The following WWOX variants were observed in gnomAD, a reference collection of about 807,000 sequenced individuals.
WWOX encodes the protein WW domain-containing oxidoreductase.
Under a neutral mutation model 46.2 loss-of-function variants are expected in WWOX, and 69 were observed. That is an observed-to-expected ratio of 1.49 (90% CI 1.23 to 1.82). WWOX has a LOEUF of 1.82. Among genes scored for constraint, WWOX ranks in the 40% most tolerant of loss-of-function variants. The pLI is 0.00. For missense variants in WWOX, 919 were observed against 542.6 expected (o/e 1.69, Z -6.89); for synonymous variants, 359 against 202.6 (o/e 1.77, Z -6.56).
At chr16:78,436,859 C>G (rs1366964255) in intron 8 of WWOX, among the ~76,000 whole-genome samples, 1 of 152,180 alleles carries the variant, frequency 6.6e-6, no homozygotes, top group Non-Finnish European at 1.5e-5. Flanking sequence ...GATAATGCAT[C>G]AGTTTCTTGG....
intron 8 of WWOX, among the ~76,000 whole-genome samples, chr16:78,739,458 G>C (rs1389019500): frequency 6.6e-6 from 1 of 152,152 alleles, no homozygotes; most frequent in Non-Finnish European, 1.5e-5. Context: ...CTCTAGGAAA[G>C]GGTTGTGGAA....
intron 8 of WWOX, among the ~76,000 whole-genome samples, chr16:78,981,512 A>C (rs1446510281): frequency 6.6e-6 from 1 of 151,342 alleles, no homozygotes; most frequent in Non-Finnish European, 1.5e-5. Context: ...ATCTGGGCTC[A>C]CTGCAACCTC....
intron 8 of WWOX, among the ~76,000 whole-genome samples, chr16:78,859,000 T>TAAAAAAAA (rs2052638771): frequency 1.3e-5 from 1 of 79,872 alleles, no homozygotes; most frequent in African/African-American, 5.9e-5. Flanking sequence ...GTTTTGAAAT[T>TAAAAAAAA]TAAAAAAAAA....
intron 6 of WWOX, among the ~76,000 whole-genome samples, chr16:78,400,600 T>A (rs1301799639): frequency 6.6e-6 from 1 of 152,062 alleles, no homozygotes; most frequent in African/African-American, 2.4e-5. Context: ...CCAGCTTGGT[T>A]TTTCTCCTCT....
intron 8 of WWOX, among the ~76,000 whole-genome samples, chr16:78,603,775 T>G (rs1018658748): frequency 2.0e-5 from 3 of 152,108 alleles, no homozygotes; most frequent in African/African-American, 7.2e-5. Flanking sequence ...CTTATCTAGT[T>G]GGAACAAGTG....
chr16:78,400,624 A>AG (rs1388129959), intron 6 of WWOX, among the ~76,000 whole-genome samples: 1 of 151,946 alleles, frequency 6.6e-6, no homozygotes, highest in African/African-American at 2.4e-5. Flanking sequence ...CATCCTAAGG[A>AG]GGGAGGGAGG....
chr16:78,188,314 C>G (rs970427422), intron 5 of WWOX, among the ~76,000 whole-genome samples: 3 of 151,870 alleles, frequency 2.0e-5, no homozygotes, highest in Admixed American at 6.6e-5. Flanking sequence ...ACGGTGAAAC[C>G]CCGTCTTTAC....
At chr16:78,630,450 C>T (rs577543412) in intron 8 of WWOX, among the ~76,000 whole-genome samples, 20 of 152,304 alleles carry the variant, frequency 1.3e-4, no homozygotes, top group Middle Eastern at 3.4e-3. Context: ...TTATATGCTA[C>T]AGAGAGGGTG....
intron 8 of WWOX, among the ~76,000 whole-genome samples, chr16:78,935,671 G>T (rs938295473): frequency 1.3e-5 from 2 of 151,864 alleles, no homozygotes; most frequent in Non-Finnish European, 2.9e-5. Flanking sequence ...CGAGTTAATG[G>T]GTGCAGCACA....
intron 8 of WWOX, among the ~76,000 whole-genome samples, chr16:78,861,118 C>A (rs557926625): frequency 2.6e-5 from 4 of 152,170 alleles, no homozygotes; most frequent in African/African-American, 7.2e-5. Context: ...CTGTGCACAG[C>A]CTCAGAGGTC....
chr16:79,153,426 G>A (rs1332718018), intron 8 of WWOX, among the ~76,000 whole-genome samples: 1 of 152,164 alleles, frequency 6.6e-6, no homozygotes, highest in Non-Finnish European at 1.5e-5. Context: ...TCCTCAGGTA[G>A]CCACTGGTGT....
chr16:78,839,188 G>C (rs2052071523), intron 8 of WWOX, among the ~76,000 whole-genome samples: 1 of 152,092 alleles, frequency 6.6e-6, no homozygotes, highest in Admixed American at 6.5e-5. Flanking sequence ...AATTCAACAA[G>C]TAAATTCAAA....
At chr16:78,920,442 G>A (rs146026814) in intron 8 of WWOX, among the ~76,000 whole-genome samples, 25 of 152,274 alleles carry the variant, frequency 1.6e-4, no homozygotes, top group African/African-American at 6.0e-4. Context: ...GCCACCTATG[G>A]TTCTTTGGAC....
intron 8 of WWOX, among the ~76,000 whole-genome samples, chr16:78,433,169 C>T (rs1011767564): frequency 6.6e-6 from 1 of 152,074 alleles, no homozygotes; most frequent in Non-Finnish European, 1.5e-5. Flanking sequence ...AGATGTGATT[C>T]CTTTGTTTCA....
At chr16:78,333,598 C>G (rs984321519) in intron 5 of WWOX, among the ~76,000 whole-genome samples, 13 of 152,118 alleles carry the variant, frequency 8.5e-5, no homozygotes, top group Non-Finnish European at 1.5e-4. Flanking sequence ...TATACATAAA[C>G]AGATATTCAT....
chr16:78,407,097 T>C (rs997144865), intron 6 of WWOX, among the ~76,000 whole-genome samples: 2 of 152,210 alleles, frequency 1.3e-5, no homozygotes, highest in African/African-American at 4.8e-5. Flanking sequence ...CAGTGTATAC[T>C]GCCATCCATG....
At chr16:78,182,742 G>T (rs1292270323) in intron 5 of WWOX, among the ~76,000 whole-genome samples, 3 of 151,938 alleles carry the variant, frequency 2.0e-5, no homozygotes, top group Non-Finnish European at 2.9e-5. Context: ...CACGAGGTCA[G>T]GAGATCGAGA....
intron 8 of WWOX, among the ~76,000 whole-genome samples, chr16:79,209,031 C>A (rs756320665): frequency 2.0e-5 from 3 of 152,092 alleles, no homozygotes; most frequent in Non-Finnish European, 2.9e-5. Context: ...TTTCGGGTGC[C>A]CCTCCTGTGT....
At chr16:78,535,016 G>C (rs1015712817) in intron 8 of WWOX, 10 of 152,178 alleles carry the variant, frequency 6.6e-5, no homozygotes, top group African/African-American at 2.4e-4. Context: ...GCAGCGTATT[G>C]CTTTATATTT....
Sources: gnomAD v4.1 joint callset for allele counts (sites outside exome capture counted in the v4.1 genomes callset) on GRCh38, gnomAD v4.1.1 for gene constraint, MANE v1.5 for transcripts, NCBI Gene and HGNC (gene_info 2026-07-23, HGNC 2026-07-21) for gene names.